Variants in BTG1 observed in about 807,000 individuals in gnomAD.
BTG1 encodes the protein protein BTG1.
BTG1 carries 2 observed loss-of-function variants against 15.2 expected under a neutral mutation model. That is an observed-to-expected ratio of 0.13 (90% confidence interval 0.05 to 0.41). The LOEUF is 0.41. Among genes scored for constraint, BTG1 ranks in the 10% least tolerant of loss-of-function variants. BTG1 has a pLI of 0.99. For synonymous variants in BTG1, 109 were observed against 82.4 expected (o/e 1.32, Z -1.75); for missense variants, 149 against 215.0 (o/e 0.69, Z 1.92).
chr12:92,144,317 C>T lies in BTG1; in HGVS notation c.279G>A (p.Glu93=). ...AAQRIGLSSQ[E]LFRLLPSELT... ...GTTCACTTGGGAGAAGCCTGAACAG[C>T]TCCTGACTGCTCAGTCCAATCCGCT... The change falls in exon 2 of 2, where the codon GAG becomes GAA. Residue 93 remains glutamate (E), a synonymous_variant. Transcript: ENST00000256015. 1 of 1,614,242 alleles carries T rather than the reference C, an allele frequency of 6.2e-7. No individual in the cohort carries two copies. Among genetic ancestry groups the T allele is most frequent in the Non-Finnish European group, 8.5e-7 (1 of 1,180,040 alleles).
chr12:92,144,363 G>C lies in BTG1; in HGVS notation c.233C>G (p.Pro78Arg). Residue 78 changes from proline (P) to arginine (R), a missense_variant, in exon 2 of 2, where the codon CCT (proline) becomes CGT (arginine). Transcript: ENST00000256015. ...RCIRINHKMD[P>R]LIGQAAQRIG... ...CCGCTGTGCTGCCTGTCCAATCAGA[G>C]GATCCATTTTATGGTTGATGCGAAT... 6.2e-7 allele frequency: 1 copy of C among 1,614,212 alleles called. No individual in the cohort carries two copies. Among genetic ancestry groups the C allele is most frequent in the East Asian group, 2.2e-5 (1 of 44,890 alleles).
Position 92,142,742 on chromosome 12 carries a change from T to C in BTG1, c.*1338A>G, listed in dbSNP as rs1384751614. The C allele has an allele frequency of 4.3e-6, 1 of 232,962 alleles. No homozygotes were observed. The highest frequency in any genetic ancestry group is 6.0e-5 in the East Asian group (1 of 16,546). 14.4% of individuals were successfully genotyped at this position (232,962 alleles called of 1,614,324 possible). A position where few individuals can be genotyped will look rare whatever the true frequency, so the allele number is the denominator to read the frequency against. ...TCACCTGCCCCGGGGAAATTTCTAA[T>C]TGAACAAAGAATCCATGGGGCAAAG... On this transcript the variant is annotated 3_prime_UTR_variant, in exon 2 of 2. Transcript: ENST00000256015.
Position 92,141,825 on chromosome 12 carries a change from C to T in BTG1, c.*2255G>A, listed in dbSNP as rs1475251094. On this transcript the variant is annotated 3_prime_UTR_variant, in exon 2 of 2. Transcript: ENST00000256015. ...AAACATTTTTATTAACTGTTTCCAT[C>T]ATTTTCAAAGATTGAAAAAGTCTGA... 8.6e-6 allele frequency: 2 copies of T among 231,874 alleles called. No individual in the cohort carries two copies. Among genetic ancestry groups the T allele is most frequent in the East Asian group, 1.2e-4 (2 of 16,442 alleles). 14.4% of individuals were successfully genotyped at this position (231,874 alleles called of 1,614,324 possible).
Position 92,144,239 on chromosome 12 carries a change from G to A in BTG1, c.357C>T (p.Gly119=), listed in dbSNP as rs1024571418. The change falls in exon 2 of 2, where the codon GGC becomes GGT. Residue 119 remains glycine (G), a synonymous_variant. Coordinates refer to ENST00000256015, the MANE Select transcript of BTG1 (RefSeq NM_001731.3). ...YEVSYRIGED[G]SICVLYEASP... is the part of the protein sequence containing the mutation. ...AGGCTTCATACAGCACACAGATGGAGCCATCCTCTCCAATTCTGTAGGACA... is the reference window on the plus strand; with the variant it reads ...AGGCTTCATACAGCACACAGATGGAACCATCCTCTCCAATTCTGTAGGACA... 2 of 1,614,216 alleles carry A rather than the reference G, an allele frequency of 1.2e-6. No homozygotes were observed. The highest frequency in any genetic ancestry group is 1.7e-6 in the Non-Finnish European group (2 of 1,180,040).
intron 1 of BTG1, 157 bp downstream of exon 1, chr12:92,145,231 G>T: frequency 8.6e-7 from 1 of 1,167,638 alleles, no homozygotes; most frequent in African/African-American, 1.6e-5. Context: ...GCGGGGAACC[G>T]CTGTTAGCGG....
rs1184612947 is a variant in BTG1, at chr12:92,142,267, GTTAT to G, written c.*1809_*1812del. On this transcript the variant is annotated 3_prime_UTR_variant, in exon 2 of 2. Transcript: ENST00000256015. ...TGGGTGTAGAAATAACTTCTTAAAAGTTATTTGAGATTACTAATTTCAAGTAATT... is the reference window on the plus strand; with the variant it reads ...TGGGTGTAGAAATAACTTCTTAAAAGTTGAGATTACTAATTTCAAGTAATT... 8.7e-6 allele frequency: 2 copies of G among 230,850 alleles called. No individual in the cohort carries two copies. Among genetic ancestry groups the G allele is most frequent in the East Asian group, 6.2e-5 (1 of 16,156 alleles). The allele number at this position is 230,850 out of a possible 1,614,324, so 14.3% of individuals were successfully genotyped here.
chr12:92,141,347 C>A lies in BTG1; in HGVS notation c.*2733G>T, dbSNP rs961257801. ...CATTCCAGATGACAAAGATAACAGC[C>A]GCATTATCCTGCATGAACCAGGGTA... On this transcript the variant is annotated 3_prime_UTR_variant, in exon 2 of 2. Coordinates refer to ENST00000256015, the MANE Select transcript of BTG1 (RefSeq NM_001731.3). 1 of 232,364 alleles carries A rather than the reference C, an allele frequency of 4.3e-6. No individual in the cohort carries two copies. Among genetic ancestry groups the A allele is most frequent in the East Asian group, 6.1e-5 (1 of 16,508 alleles). The allele number at this position is 232,364 out of a possible 1,614,324, so 14.4% of individuals were successfully genotyped here. A position where few individuals can be genotyped will look rare whatever the true frequency, so the allele number is the denominator to read the frequency against.
At chr12:92,144,789 TG>T in intron 1 of BTG1, among the ~76,000 whole-genome samples, 1 of 152,138 alleles carries the variant, frequency 6.6e-6, no homozygotes, top group African/African-American at 2.4e-5. Context: ...ATGCACACAA[TG>T]GAGTTGATGG....
At chr12:92,145,245 C>G (rs1303180591) in intron 1 of BTG1, 143 bp downstream of exon 1, 2 of 1,248,136 alleles carry the variant, frequency 1.6e-6, no homozygotes. Flanking sequence ...TTAGCGGCCA[C>G]CCAGCGCAAC....
At position 92,143,930 on chromosome 12, in the gene BTG1, A is replaced by ATTT. The variant is rs11377023; in HGVS notation, c.*147_*149dup. On this transcript the variant is annotated 3_prime_UTR_variant, in exon 2 of 2. Coordinates refer to ENST00000256015, the MANE Select transcript of BTG1 (RefSeq NM_001731.3). ...CCAAACTATGGCACTGTCACTTAAA[A>ATTT]TTTTTTTTTTTTTTACCATTCTATC... 8,523 of 805,086 alleles carry ATTT rather than the reference A, an allele frequency of 0.011. 19 individuals are homozygous for ATTT. The highest frequency in any genetic ancestry group is 0.013 in the Non-Finnish European group (7,312 of 544,520). The allele number at this position is 805,086 out of a possible 1,614,324, so 49.9% of individuals were successfully genotyped here.
Position 92,141,726 on chromosome 12 carries a change from T to C in BTG1, c.*2354A>G, listed in dbSNP as rs1207410850. 8.6e-6 allele frequency: 2 copies of C among 232,568 alleles called. No individual in the cohort carries two copies. Among genetic ancestry groups the C allele is most frequent in the Admixed American group, 5.6e-5 (1 of 17,768 alleles). The allele number at this position is 232,568 out of a possible 1,614,324, so 14.4% of individuals were successfully genotyped here. On this transcript the variant is annotated 3_prime_UTR_variant, in exon 2 of 2. Coordinates refer to ENST00000256015, the MANE Select transcript of BTG1 (RefSeq NM_001731.3). ...CAGGAAACAGCTGGTCTCAGAGTGA[T>C]GTGTGCAAGCCTTTTTCAAAGACAA...
At position 92,143,726 on chromosome 12, in the gene BTG1, C is replaced by T; in HGVS notation, c.*354G>A. ...AAGTGTAATAGTGCAAATTCCCCTG[C>T]GAGATTTACTGCAGAGAAAGATTCT... On this transcript the variant is annotated 3_prime_UTR_variant, in exon 2 of 2. Transcript: ENST00000256015. 1 of 284,496 alleles carries T rather than the reference C, an allele frequency of 3.5e-6. No individual in the cohort carries two copies. The highest frequency in any genetic ancestry group is 6.6e-6 in the Non-Finnish European group (1 of 151,340). 17.6% of individuals were successfully genotyped at this position (284,496 alleles called of 1,614,324 possible). A position where few individuals can be genotyped will look rare whatever the true frequency, so the allele number is the denominator to read the frequency against.
At position 92,141,557 on chromosome 12, in the gene BTG1, TAGTCATCCTATCTTAA is replaced by T. The variant is rs1392669197; in HGVS notation, c.*2507_*2522del. 16 of 231,362 alleles carry T rather than the reference TAGTCATCCTATCTTAA, an allele frequency of 6.9e-5. No homozygotes were observed. The highest frequency in any genetic ancestry group is 3.5e-4 in the African/African-American group (16 of 45,382). The allele number at this position is 231,362 out of a possible 1,614,324, so 14.3% of individuals were successfully genotyped here. A position where few individuals can be genotyped will look rare whatever the true frequency, so the allele number is the denominator to read the frequency against. Reference sequence around the variant, plus strand: ...CCAAAGGCAACAATAATTTTGAAAGTAGTCATCCTATCTTAAAAGGATTTATAATAAAATATTTCAA... The same window carrying T: ...CCAAAGGCAACAATAATTTTGAAAGTAAGGATTTATAATAAAATATTTCAA... On this transcript the variant is annotated 3_prime_UTR_variant, in exon 2 of 2. Coordinates refer to ENST00000256015, the MANE Select transcript of BTG1 (RefSeq NM_001731.3).
In BTG1 at chr12:92,145,406, G is replaced by C; in HGVS notation, c.130C>G (p.Leu44Val). The C allele has an allele frequency of 6.3e-7, 1 of 1,586,586 alleles. No individual in the cohort carries two copies. The highest frequency in any genetic ancestry group is 8.6e-7 in the Non-Finnish European group (1 of 1,168,062). ...TGCTCACCTGCCAGCAGCTCCTGCA[G>C]GCTCTGGCTGAAGGTCTGCAGCTGT... is the stretch of plus-strand genomic sequence containing the variant. ...ERQLQTFSQSLQELLAEHYKH... is the reference protein window; with the variant it reads ...ERQLQTFSQSVQELLAEHYKH... The change falls in exon 1 of 2, where the codon CTG (leucine) becomes GTG (valine). Residue 44 changes from leucine (L) to valine (V), a missense_variant. Coordinates refer to ENST00000256015, the MANE Select transcript of BTG1 (RefSeq NM_001731.3).
In BTG1 at chr12:92,142,883, T is replaced by C. The variant is rs1333025048; in HGVS notation, c.*1197A>G. On this transcript the variant is annotated 3_prime_UTR_variant, in exon 2 of 2. Transcript: ENST00000256015. Reference sequence around the variant, plus strand: ...TTTTGGTAGATGCTACCGTGGTCTCTTATCCTTATTTCATGAGATCATTAG... The same window carrying C: ...TTTTGGTAGATGCTACCGTGGTCTCCTATCCTTATTTCATGAGATCATTAG... 4.3e-6 allele frequency: 1 copy of C among 232,996 alleles called. No individual in the cohort carries two copies. The highest frequency in any genetic ancestry group is 8.5e-6 in the Non-Finnish European group (1 of 118,002). 14.4% of individuals were successfully genotyped at this position (232,996 alleles called of 1,614,324 possible).
intron 1 of BTG1, 40 bp downstream of exon 1, chr12:92,145,348 T>G: frequency 6.7e-7 from 1 of 1,498,560 alleles, no homozygotes. Flanking sequence ...GACCCAGGGA[T>G]GTGGGGCCCG....
rs975259572 is a variant in BTG1 at position 92,143,275 on chromosome 12, A to G, written c.*805T>C. ...TAATTTACCAAATAAAAGATGACTA[A>G]CAAAGTTCACAAAATAGATGGTGGT... is the stretch of plus-strand genomic sequence containing the variant. On this transcript the variant is annotated 3_prime_UTR_variant, in exon 2 of 2. Coordinates refer to ENST00000256015, the MANE Select transcript of BTG1 (RefSeq NM_001731.3). 4.3e-6 allele frequency: 1 copy of G among 232,858 alleles called. No individual in the cohort carries two copies. The highest frequency in any genetic ancestry group is 2.2e-5 in the African/African-American group (1 of 45,340). 14.4% of individuals were successfully genotyped at this position (232,858 alleles called of 1,614,324 possible). A position where few individuals can be genotyped will look rare whatever the true frequency, so the allele number is the denominator to read the frequency against.
At chr12:92,144,485 G>A in intron 1 of BTG1, 38 bp from the exon 2 acceptor site, 2 of 1,602,092 alleles carry the variant, frequency 1.2e-6, no homozygotes, top group Non-Finnish European at 1.7e-6. Flanking sequence ...CAACGCTTAG[G>A]ATCGTTAGCT....
At position 92,140,635 on chromosome 12, in the gene BTG1, C is replaced by G. The variant is rs966309854; in HGVS notation, c.*3445G>C. 1.7e-5 allele frequency: 4 copies of G among 231,932 alleles called. No individual in the cohort carries two copies. Among genetic ancestry groups the G allele is most frequent in the African/African-American group, 2.2e-5 (1 of 45,266 alleles). 14.4% of individuals were successfully genotyped at this position (231,932 alleles called of 1,614,324 possible). A position where few individuals can be genotyped will look rare whatever the true frequency, so the allele number is the denominator to read the frequency against. On this transcript the variant is annotated 3_prime_UTR_variant, in exon 2 of 2. Transcript: ENST00000256015. ...TGGGTCGGCTGGTATTACAAACTAT[C>G]TTACTGTAAAAGATTTTGTGATACT... is the stretch of plus-strand genomic sequence containing the variant.
Sources: allele counts gnomAD v4.1 joint callset (sites outside exome capture counted in the v4.1 genomes callset), GRCh38; gene constraint gnomAD v4.1.1; transcripts MANE v1.5; gene names NCBI Gene and HGNC (gene_info 2026-07-23, HGNC 2026-07-21).